The following FAM98A variants were observed in gnomAD, a reference collection of about 807,000 sequenced individuals.
FAM98A encodes the protein protein FAM98A.
A neutral mutation model predicts 62.9 loss-of-function variants in FAM98A; 25 were observed. That is an observed-to-expected ratio of 0.40 (90% CI 0.29 to 0.56). The LOEUF (loss-of-function observed/expected upper bound fraction) is 0.56. Ranked by LOEUF, FAM98A falls within the 20% of genes least tolerant of loss-of-function variation. FAM98A has a pLI of 0.51. For missense variants in FAM98A, 653 were observed against 640.7 expected, an observed-to-expected ratio of 1.02 and a Z score of -0.21; for synonymous variants, 252 against 228.6, an observed-to-expected ratio of 1.10 and a Z score of -0.92.
chr2:33,584,607 CA>C lies in FAM98A; in HGVS notation c.*168del. On this transcript the variant is annotated 3_prime_UTR_variant, in exon 8 of 8. Coordinates refer to ENST00000238823, the MANE Select transcript of FAM98A (RefSeq NM_015475.5). ...TCAAATAAACGGCATTATGTAAGTC[CA>C]ATAAAAAAATCTAACAGAATTGAAT... 1 of 619,712 alleles carries C rather than the reference CA, an allele frequency of 1.6e-6. No homozygotes were observed. Among genetic ancestry groups the C allele is most frequent in the East Asian group, 2.6e-5 (1 of 37,926 alleles). The allele number at this position is 619,712 out of a possible 1,614,324, so 38.4% of individuals were successfully genotyped here.
intron 1 of FAM98A, among the ~76,000 whole-genome samples, chr2:33,598,945 G>A (rs920504021): frequency 6.6e-5 from 10 of 152,158 alleles, no homozygotes; most frequent in Non-Finnish European, 2.9e-5. Flanking sequence ...TAGCTCGCCT[G>A]CAGGGAGCAC....
Position 33,587,222 on chromosome 2 carries a change from A to C in FAM98A, c.603+18T>G, listed in dbSNP as rs767034734. On this transcript the variant is annotated intron_variant, in intron 5 of 7. Transcript: ENST00000238823. ...CTATAGTTCTTTACAAAGTTTACTCAAGATGATTACTACTCACCCAGTGGG... is the reference window on the plus strand; with the variant it reads ...CTATAGTTCTTTACAAAGTTTACTCCAGATGATTACTACTCACCCAGTGGG... 43 of 1,491,072 alleles carry C rather than the reference A, an allele frequency of 2.9e-5. No homozygotes were observed. The highest frequency in any genetic ancestry group is 3.9e-5 in the Non-Finnish European group (42 of 1,070,428). 92.4% of individuals were successfully genotyped at this position (1,491,072 alleles called of 1,614,324 possible). A position where few individuals can be genotyped will look rare whatever the true frequency, so the allele number is the denominator to read the frequency against.
intron 2 of FAM98A, among the ~76,000 whole-genome samples, chr2:33,592,510 T>TA (rs1677694494): frequency 6.6e-6 from 1 of 152,112 alleles, no homozygotes; most frequent in South Asian, 2.1e-4. Flanking sequence ...GGCCTACAGG[T>TA]GTATGCTACC....
rs1677793482 is a variant in FAM98A at position 33,595,581 on chromosome 2, G to A, written c.110C>T (p.Ala37Val). 1 of 1,607,442 alleles carries A rather than the reference G, an allele frequency of 6.2e-7. No homozygotes were observed. The change falls in exon 2 of 8, where the codon GCC (alanine) becomes GTC (valine). Residue 37 changes from alanine (A) to valine (V), a missense_variant. By Grantham distance (64) the Ala-to-Val change is moderately conservative. Transcript: ENST00000238823. ...GALSQAVSAGASSPEFTKLCA... is the reference protein window; with the variant it reads ...GALSQAVSAGVSSPEFTKLCA... Reference sequence around the variant, plus strand: ...GAGTTTGGTAAACTCGGGGGAACTGGCTCCAGCAGAGACTGCCTGAGAGAG... The same window carrying A: ...GAGTTTGGTAAACTCGGGGGAACTGACTCCAGCAGAGACTGCCTGAGAGAG...
intron 1 of FAM98A, among the ~76,000 whole-genome samples, chr2:33,598,060 A>G (rs966284543): frequency 2.6e-5 from 4 of 152,244 alleles, no homozygotes; most frequent in Admixed American, 6.5e-5. Context: ...AGTTTCCAAG[A>G]AAAGAACAAT....
In FAM98A at chr2:33,584,910, C is replaced by A. The variant is rs764601843; in HGVS notation, c.1423G>T (p.Gly475Cys). 2.5e-5 allele frequency: 41 copies of A among 1,612,616 alleles called. No individual in the cohort carries two copies. The highest frequency in any genetic ancestry group is 2.5e-5 in the Non-Finnish European group (29 of 1,179,566). ...GGRGGRGGRAGQGGGWGGRGS... is the reference protein window; with the variant it reads ...GGRGGRGGRACQGGGWGGRGS... ...CTTCCTCCCCAGCCTCCTCCCTGGC[C>A]TGCACGACCACCTCGGCCTCCACGA... is the stretch of plus-strand genomic sequence containing the variant. Residue 475 changes from glycine (G) to cysteine (C), a missense_variant, in exon 8 of 8, where the codon GGC becomes TGC. Physicochemically the swap from Gly to Cys is radical, Grantham distance 159. Transcript: ENST00000238823.
Position 33,599,250 on chromosome 2 carries a change from G to T in FAM98A, c.-29C>A, listed in dbSNP as rs753416178. 2.2e-5 allele frequency: 35 copies of T among 1,597,610 alleles called. No individual in the cohort carries two copies. The highest frequency in any genetic ancestry group is 2.7e-5 in the Non-Finnish European group (31 of 1,165,036). On this transcript the variant is annotated 5_prime_UTR_variant, in exon 1 of 8. Transcript: ENST00000238823. ...ACTGTGGTATTCAAATTTCCGAGTC[G>T]TCAGGCTCCCCTCTTCGCCGGCAAC...
chr2:33,590,539 T>C (rs1348523450), intron 3 of FAM98A, among the ~76,000 whole-genome samples: 1 of 152,056 alleles, frequency 6.6e-6, no homozygotes, highest in Non-Finnish European at 1.5e-5. Context: ...GGGAGAATAT[T>C]TTAGAAAGGG....
chr2:33,589,053 C>A (rs1677617065), intron 3 of FAM98A: 1 of 152,234 alleles, frequency 6.6e-6, no homozygotes, highest in African/African-American at 2.4e-5. Flanking sequence ...CAGGAAGGCA[C>A]CCCAGAGCTC....
chr2:33,595,881 A>G (rs1368551429), intron 1 of FAM98A, among the ~76,000 whole-genome samples: 1 of 150,760 alleles, frequency 6.6e-6, no homozygotes, highest in Non-Finnish European at 1.5e-5. Context: ...ACAGAATTGC[A>G]TATACTACTA....
At chr2:33,586,712 A>T in intron 5 of FAM98A, 34 bp from the exon 6 acceptor site, 1 of 1,376,488 alleles carries the variant, frequency 7.3e-7, no homozygotes, top group Non-Finnish European at 1.0e-6. Flanking sequence ...GTTAGAGTTT[A>T]AATCTGCTTG....
intron 2 of FAM98A, among the ~76,000 whole-genome samples, chr2:33,592,970 C>T (rs1002274978): frequency 6.6e-6 from 1 of 152,198 alleles, no homozygotes; most frequent in African/African-American, 2.4e-5. Flanking sequence ...CTACTCTCTT[C>T]CCCTCTAGCA....
chr2:33,585,798 T>A, intron 6 of FAM98A, 101 bp from the exon 7 acceptor site: 1 of 1,037,528 alleles, frequency 9.6e-7, no homozygotes, highest in Non-Finnish European at 1.4e-6. Context: ...CTGATAATGA[T>A]ATTTACTAGG....
chr2:33,599,003 G>A (rs1447470525), intron 1 of FAM98A, among the ~76,000 whole-genome samples, 166 bp downstream of exon 1: 5 of 152,138 alleles, frequency 3.3e-5, no homozygotes, highest in African/African-American at 1.2e-4. Flanking sequence ...AGCTAGCAGT[G>A]CAGACAGTGG....
rs752236771 is a variant in FAM98A, at chr2:33,585,444, C to G, written c.889G>C (p.Val297Leu). 14 of 1,613,904 alleles carry G rather than the reference C, an allele frequency of 8.7e-6. No individual in the cohort carries two copies. In the East Asian group the frequency reaches 2.9e-4, roughly 33 times the overall value. Residue 297 changes from valine (V) to leucine (L), a missense_variant and splice_region_variant, in exon 8 of 8, where the codon GTG becomes CTG. Physicochemically the swap from Val to Leu is conservative, Grantham distance 32. Transcript: ENST00000238823. ...CTGTCAGGCACCCTGCCCATCAACA[C>G]CTACAGAATAGGAAAGATATTTTAA... is the stretch of plus-strand genomic sequence containing the variant. Reference protein sequence around the residue: ...REKTACAINKVLMGRVPDRGG... With the variant: ...REKTACAINKLLMGRVPDRGG...
chr2:33,598,419 G>A (rs531921026), intron 1 of FAM98A, among the ~76,000 whole-genome samples: 2 of 152,316 alleles, frequency 1.3e-5, no homozygotes, highest in Non-Finnish European at 2.9e-5. Context: ...GACCCAGTGA[G>A]ATAACAAACC....
At chr2:33,588,047 G>A (rs1677596882) in intron 4 of FAM98A, 1 of 356,340 alleles carries the variant, frequency 2.8e-6, no homozygotes, top group East Asian at 6.4e-5. Flanking sequence ...TAAAAGGACT[G>A]AAATCTTAAT....
chr2:33,599,231 G>T lies in FAM98A; in HGVS notation c.-10C>A, dbSNP rs769901785. Reference sequence around the variant, plus strand: ...TGAGGTCACACTCCATGCTACTGTGGTATTCAAATTTCCGAGTCGTCAGGC... The same window carrying T: ...TGAGGTCACACTCCATGCTACTGTGTTATTCAAATTTCCGAGTCGTCAGGC... On this transcript the variant is annotated 5_prime_UTR_variant, in exon 1 of 8. Transcript: ENST00000238823. 7 of 1,612,932 alleles carry T rather than the reference G, an allele frequency of 4.3e-6. No homozygotes were observed. In the South Asian group the frequency reaches 7.7e-5, roughly 18 times the overall value.
intron 6 of FAM98A, 27 bp downstream of exon 6, chr2:33,586,535 T>C: frequency 7.1e-7 from 1 of 1,400,008 alleles, no homozygotes; most frequent in Non-Finnish European, 1.0e-6. Context: ...ATAAATAGTC[T>C]GCTCTTTTAA....
Sources: gnomAD v4.1 joint callset for allele counts (sites outside exome capture counted in the v4.1 genomes callset) on GRCh38, gnomAD v4.1.1 for gene constraint, MANE v1.5 for transcripts, NCBI Gene and HGNC (gene_info 2026-07-23, HGNC 2026-07-21) for gene names.